The following CHD4 variants were observed in gnomAD, a reference collection of about 807,000 sequenced individuals.
CHD4 encodes chromodomain helicase DNA binding protein 4, also known as ATP-dependent chromatin remodeler CHD4.
A neutral mutation model predicts 235.5 loss-of-function variants in CHD4; 35 were observed. The ratio of observed to expected loss-of-function variants is 0.15; its 90% CI spans 0.11 to 0.20. The LOEUF (loss-of-function observed/expected upper bound fraction) is 0.20, where lower values mean the gene tolerates loss of function less well. Ranked by LOEUF, CHD4 falls within the 10% of genes least tolerant of loss-of-function variation. The probability of loss-of-function intolerance (pLI) is 1.00; values close to 1 mark genes in which losing one functional copy is unlikely to be tolerated. For synonymous variants in CHD4, 900 were observed against 850.2 expected, an observed-to-expected ratio of 1.06 and a Z score of -1.02; for missense variants, 1,329 against 2,432.3, an observed-to-expected ratio of 0.55 and a Z score of 9.54.
intron 24 of CHD4, 52 bp downstream of exon 24, chr12:6,587,660 C>G: frequency 3.1e-6 from 5 of 1,605,130 alleles, no homozygotes; most frequent in Non-Finnish European, 3.4e-6. Flanking sequence ...TTCTCCCTAA[C>G]CTTTAGAGAG....
chr12:6,595,494 A>G, intron 13 of CHD4, 64 bp from the exon 14 acceptor site: 1 of 1,415,754 alleles, frequency 7.1e-7, no homozygotes. Flanking sequence ...CAACTTGGCC[A>G]GGCACAGTGG....
chr12:6,591,364 G>C, intron 22 of CHD4, 102 bp downstream of exon 22: 1 of 875,324 alleles, frequency 1.1e-6, no homozygotes, highest in Non-Finnish European at 1.8e-6. Flanking sequence ...AAATGACAAA[G>C]TCCCAAAAGA....
chr12:6,593,475 T>G lies in CHD4; in HGVS notation c.2455A>C (p.Asn819His). 6.2e-7 allele frequency: 1 copy of G among 1,614,110 alleles called. No individual in the cohort carries two copies. The highest frequency in any genetic ancestry group is 8.5e-7 in the Non-Finnish European group (1 of 1,180,016). Reference protein sequence around the residue: ...DKDSRAIIRENEFSFEDNAIR... With the variant: ...DKDSRAIIREHEFSFEDNAIR... ...GCATTGTCTTCAAAGGAGAACTCATTCTCTCGGATGATGGCACGGCTGTCC... is the reference window on the plus strand; with the variant it reads ...GCATTGTCTTCAAAGGAGAACTCATGCTCTCGGATGATGGCACGGCTGTCC... Residue 819 changes from asparagine (N) to histidine (H), a missense_variant, in exon 16 of 40, where the codon AAT (asparagine) becomes CAT (histidine). Asn to His is a moderately conservative substitution (Grantham distance 68). Transcript: ENST00000544040. This position sits in a 1 kb window ranked among gnomAD's most constrained non-coding sequence, Gnocchi z 4.9.
chr12:6,597,113 CA>C (rs150271314), intron 12 of CHD4, among the ~76,000 whole-genome samples: 192 of 130,276 alleles, frequency 1.5e-3, no homozygotes, highest in Admixed American at 1.7e-3. Context: ...ACTAAAAATA[CA>C]AAAAAAAAAA....
chr12:6,606,540 C>G (rs1311502213), intron 1 of CHD4, 89 bp from the exon 2 acceptor site: 11 of 506,350 alleles, frequency 2.2e-5, no homozygotes, highest in Non-Finnish European at 3.8e-5. Context: ...CCGCCCCCCA[C>G]CCCAGCCACC....
At chr12:6,573,006 T>C (rs980437156) in intron 38 of CHD4, 68 bp downstream of exon 38, 3 of 1,450,568 alleles carry the variant, frequency 2.1e-6, no homozygotes, top group East Asian at 2.5e-5. Flanking sequence ...AAAACAAATA[T>C]ATGTACATTA....
chr12:6,595,464 A>C, intron 13 of CHD4, 34 bp from the exon 14 acceptor site: 1 of 1,579,162 alleles, frequency 6.3e-7, no homozygotes. Flanking sequence ...GCTGCCCAAA[A>C]TCCTTTTCTA....
rs2267968 is a variant in CHD4 at position 6,570,577 on chromosome 12, G to A, written c.*99C>T. 42,029 of 1,440,868 alleles carry A rather than the reference G, an allele frequency of 0.029. 2,522 individuals carry two copies. Among genetic ancestry groups the A allele is most frequent in the East Asian group, 0.29 (12,530 of 43,930 alleles). 89.3% of individuals were successfully genotyped at this position (1,440,868 alleles called of 1,614,324 possible). A position where few individuals can be genotyped will look rare whatever the true frequency, so the allele number is the denominator to read the frequency against. ...TTTACAACATGGAAGATGGGCAGAA[G>A]GAAGGTGAGGGTCTCTCAGGCCCCC... On this transcript the variant is annotated 3_prime_UTR_variant, in exon 40 of 40. Coordinates refer to ENST00000544040, the MANE Select transcript of CHD4 (RefSeq NM_001273.5).
chr12:6,570,743 C>T (rs1338076946), intron 39 of CHD4, 50 bp from the exon 40 acceptor site: 1 of 1,613,600 alleles, frequency 6.2e-7, no homozygotes, highest in Non-Finnish European at 8.5e-7. Flanking sequence ...AGGAATCCAC[C>T]CAATCTCAAG....
Position 6,580,711 on chromosome 12 carries a change from A to AAAAAAAAAAAC in CHD4, c.4909+332_4909+333insGTTTTTTTTTT, listed in dbSNP as rs1157824042. On this transcript the variant is annotated intron_variant, in intron 33 of 39. Transcript: ENST00000544040. ...AACGAGTAAAACTCCTTTGAAAAAA[A>AAAAAAAAAAAC]AAAAAAAAAAAAAAAAGCCAGGCAC... 204 of 209,810 alleles carry AAAAAAAAAAAC rather than the reference A, an allele frequency of 9.7e-4. 5 individuals are homozygous for AAAAAAAAAAAC. Among genetic ancestry groups the AAAAAAAAAAAC allele is most frequent in the African/African-American group, 4.9e-3 (183 of 37,084 alleles). 13.0% of individuals were successfully genotyped at this position (209,810 alleles called of 1,614,324 possible).
intron 23 of CHD4, 52 bp from the exon 24 acceptor site, chr12:6,588,001 C>G: frequency 6.6e-7 from 1 of 1,510,650 alleles, no homozygotes; most frequent in Non-Finnish European, 9.2e-7. Flanking sequence ...TGGTGCCACT[C>G]TTATCCTGAC....
chr12:6,595,019 G>A (rs1416746600), intron 14 of CHD4, among the ~76,000 whole-genome samples: 1 of 151,916 alleles, frequency 6.6e-6, no homozygotes, highest in Non-Finnish European at 1.5e-5. Context: ...AAACCCAGAG[G>A]AACTGAGCCT....
chr12:6,601,365 C>T lies in CHD4; in HGVS notation c.723G>A (p.Val241=). 3 of 1,614,154 alleles carry T rather than the reference C, an allele frequency of 1.9e-6. No individual in the cohort carries two copies. Among genetic ancestry groups the T allele is most frequent in the Non-Finnish European group, 2.5e-6 (3 of 1,180,030 alleles). ...AAAVAVVESM[V]TATEVAPPPP... ...GTGGTGGTGCAACCTCAGTGGCTGT[C>T]ACCATGCTCTCCACCACAGCTACCG... The change falls in exon 6 of 40, where the codon GTG becomes GTA. Residue 241 remains valine (V), a synonymous_variant. Coordinates refer to ENST00000544040, the MANE Select transcript of CHD4 (RefSeq NM_001273.5).
At chr12:6,600,880 C>G in intron 7 of CHD4, 46 bp downstream of exon 7, 1 of 1,535,302 alleles carries the variant, frequency 6.5e-7, no homozygotes, top group Non-Finnish European at 8.7e-7. Flanking sequence ...CACATCCTTT[C>G]TATTAGACAT....
chr12:6,596,756 C>T (rs1360798508), intron 12 of CHD4, among the ~76,000 whole-genome samples: 2 of 151,428 alleles, frequency 1.3e-5, no homozygotes, highest in Non-Finnish European at 2.9e-5. Flanking sequence ...GCTGAGATTG[C>T]GCCACTGCAC....
intron 2 of CHD4, among the ~76,000 whole-genome samples, chr12:6,606,052 A>G (rs1592287027): frequency 6.6e-6 from 1 of 152,338 alleles, no homozygotes; most frequent in East Asian, 1.9e-4. Flanking sequence ...GCATTCCTCA[A>G]GACAGAGTGC....
Position 6,594,479 on chromosome 12 carries a change from G to A in CHD4, c.2293C>T (p.Leu765=), listed in dbSNP as rs747774721. 6.2e-7 allele frequency: 1 copy of A among 1,611,464 alleles called. No individual in the cohort carries two copies. Among genetic ancestry groups the A allele is most frequent in the Non-Finnish European group, 8.5e-7 (1 of 1,178,958 alleles). ...CTTACCTCCTTGTAAAGGGAATACA[G>A]GAAGACTGCTGTCTGTACAGTTTTC... The part of the protein sequence containing the change: ...LGKTVQTAVF[L]YSLYKEGHSK... The change falls in exon 15 of 40, where the codon CTG becomes TTG. Residue 765 remains leucine (L), a synonymous_variant. Coordinates refer to ENST00000544040, the MANE Select transcript of CHD4 (RefSeq NM_001273.5).
Position 6,578,053 on chromosome 12 carries a change from T to C in CHD4, c.5204A>G (p.Tyr1735Cys). 1 of 1,613,042 alleles carries C rather than the reference T, an allele frequency of 6.2e-7. No homozygotes were observed. The highest frequency in any genetic ancestry group is 8.5e-7 in the Non-Finnish European group (1 of 1,180,018). ...TYEIWHRRHD[Y>C]WLLAGIINHG... is the part of the protein sequence containing the mutation. Reference sequence around the variant, plus strand: ...CTTTATAATGCCGGCTAGCAGCCAGTAGTCATGCCGTCGATGCCAGATCTC... The same window carrying C: ...CTTTATAATGCCGGCTAGCAGCCAGCAGTCATGCCGTCGATGCCAGATCTC... Residue 1735 changes from tyrosine to cysteine, a missense_variant, in exon 36 of 40, where the codon TAC becomes TGC. Tyr to Cys is a radical substitution (Grantham distance 194). Coordinates refer to ENST00000544040, the MANE Select transcript of CHD4 (RefSeq NM_001273.5).
At position 6,581,174 on chromosome 12, in the gene CHD4, C is replaced by T. The variant is rs199773470; in HGVS notation, c.4780-1G>A. The T allele has an allele frequency of 9.9e-6, 16 of 1,611,494 alleles. No individual in the cohort carries two copies. The African/African-American group carries it at 1.1e-4, about 11-fold the overall frequency. ...AGGCAGGGGCAGGGGCCTGTGTACACTTCAAAGGAAAAAAAAACAAAAACA... is the reference window on the plus strand; with the variant it reads ...AGGCAGGGGCAGGGGCCTGTGTACATTTCAAAGGAAAAAAAAACAAAAACA... On this transcript the variant is annotated splice_acceptor_variant, in intron 32 of 39. Coordinates refer to ENST00000544040, the MANE Select transcript of CHD4 (RefSeq NM_001273.5). LOFTEE classifies it high-confidence loss of function.
Sources: allele counts gnomAD v4.1 joint callset (sites outside exome capture counted in the v4.1 genomes callset), GRCh38; gene constraint gnomAD v4.1.1; non-coding constraint Gnocchi (gnomAD v3.1); transcripts MANE v1.5; gene names NCBI Gene and HGNC (gene_info 2026-07-23, HGNC 2026-07-21).